RNF150: variants seen among roughly 807,000 people sequenced by gnomAD.
RNF150 encodes ring finger protein 150.
RNF150 carries 24 observed loss-of-function variants against 39.3 expected under a neutral mutation model. The ratio of observed to expected loss-of-function variants is 0.61; its 90% CI spans 0.44 to 0.86. The LOEUF is 0.86. Ranked by LOEUF, RNF150 falls within the 40% of genes least tolerant of loss-of-function variation. The pLI is 0.00. For synonymous variants in RNF150, 255 were observed against 227.3 expected (o/e 1.12, Z -1.10); for missense variants, 502 against 587.8 (o/e 0.85, Z 1.51).
At chr4:141,029,923 G>A (rs752563774) in intron 1 of RNF150, among the ~76,000 whole-genome samples, 98 of 152,158 alleles carry the variant, frequency 6.4e-4, no homozygotes, top group Non-Finnish European at 9.0e-4. Flanking sequence ...CTGGCCAGGC[G>A]TGGTGGCTCA....
intron 1 of RNF150, among the ~76,000 whole-genome samples, chr4:141,057,757 T>C (rs1033505629): frequency 1.3e-5 from 2 of 152,134 alleles, no homozygotes; most frequent in Admixed American, 6.6e-5. Context: ...TCTTCTTTAC[T>C]TCACACATAG....
rs1268843691 is a variant in RNF150 at position 140,910,122 on chromosome 4, GA to G, written c.1198+1021del. On this transcript the variant is annotated intron_variant, in intron 6 of 6. Transcript: ENST00000515673. ...TTTCAACAATGAAGTTTTTTCATCA[GA>G]AAAATACATATCTTTACATTTTAGC... Among the ~76,000 whole-genome samples the G allele has an allele frequency of 3.9e-5, 6 of 151,904 alleles. No individual in the cohort carries two copies. In the East Asian group the frequency reaches 1.2e-3, roughly 29 times the overall value.
intron 1 of RNF150, among the ~76,000 whole-genome samples, chr4:141,122,027 T>A (rs1432912774): frequency 6.6e-6 from 1 of 152,136 alleles, no homozygotes; most frequent in Admixed American, 6.6e-5. Context: ...GATCCCAATA[T>A]GCAGTCAGGG....
chr4:141,132,230 G>T lies in RNF150; in HGVS notation c.484+95C>A. ...CCAGACACGTCTTCCGCGCCGCACG[G>T]ACTTCCCAGAAGGAGCCTGGAGGCA... On this transcript the variant is annotated intron_variant, in intron 1 of 6. Transcript: ENST00000515673. This position sits in a 1 kb window ranked among gnomAD's most constrained non-coding sequence, Gnocchi z 4.9. 2 of 1,317,790 alleles carry T rather than the reference G, an allele frequency of 1.5e-6. No homozygotes were observed. Among genetic ancestry groups the T allele is most frequent in the Non-Finnish European group, 2.1e-6 (2 of 957,842 alleles). 81.6% of individuals were successfully genotyped at this position (1,317,790 alleles called of 1,614,324 possible).
intron 2 of RNF150, among the ~76,000 whole-genome samples, chr4:140,957,842 A>T (rs1397550568): frequency 2.0e-5 from 3 of 148,496 alleles, no homozygotes; most frequent in East Asian, 2.1e-4. Flanking sequence ...TAGGTGGGAA[A>T]TGAACAATGA....
At chr4:140,990,222 T>C (rs946543353) in intron 1 of RNF150, among the ~76,000 whole-genome samples, 2 of 152,232 alleles carry the variant, frequency 1.3e-5, no homozygotes, top group African/African-American at 4.8e-5. Context: ...GTGCAGAGTA[T>C]TCATTGTCTG....
At chr4:141,078,860 C>CATAT (rs1271855699) in intron 1 of RNF150, among the ~76,000 whole-genome samples, 332 of 136,668 alleles carry the variant, frequency 2.4e-3, no homozygotes, top group Non-Finnish European at 3.9e-3. Flanking sequence ...TACATACATA[C>CATAT]ATATATATAT....
intron 1 of RNF150, among the ~76,000 whole-genome samples, chr4:141,155,012 T>C (rs1320889674): frequency 6.6e-6 from 1 of 152,208 alleles, no homozygotes; most frequent in Non-Finnish European, 1.5e-5. Context: ...TAGCTCCTTC[T>C]TCATAAACAA....
At position 141,186,467 on chromosome 4, in the gene RNF150, C is replaced by T. The variant is rs537519658; in HGVS notation, c.-6+26327G>A. On this transcript the variant is annotated intron_variant, in intron 1 of 7. Transcript: ENST00000420921. ...AGGCTGGAGTGCAGTGGCACGATCTCGGCTCACTGCAAGCTCCGCCTCCCG... is the reference window on the plus strand; with the variant it reads ...AGGCTGGAGTGCAGTGGCACGATCTTGGCTCACTGCAAGCTCCGCCTCCCG... Among the ~76,000 whole-genome samples the T allele has an allele frequency of 5.9e-5, 9 of 152,216 alleles. No homozygotes were observed. The South Asian group carries it at 8.3e-4, about 14-fold the overall frequency.
At chr4:141,116,801 T>A (rs1276906981) in intron 1 of RNF150, among the ~76,000 whole-genome samples, 1 of 152,202 alleles carries the variant, frequency 6.6e-6, no homozygotes, top group Non-Finnish European at 1.5e-5. Flanking sequence ...CATGAAATAG[T>A]ATGCAGCCAT....
At position 141,186,272 on chromosome 4, in the gene RNF150, G is replaced by A. The variant is rs867061889; in HGVS notation, c.-6+26522C>T. Among the ~76,000 whole-genome samples, 11 of 152,262 alleles carry A rather than the reference G, an allele frequency of 7.2e-5. No homozygotes were observed. The South Asian group carries it at 2.3e-3, about 32-fold the overall frequency. On this transcript the variant is annotated intron_variant, in intron 1 of 7. Coordinates refer to the RNF150 transcript ENST00000420921. Reference sequence around the variant, plus strand: ...GGTTAATCTTGAGAAGGTGTATGTGGCCAGGAATTTATCCATTTCTTCTAG... The same window carrying A: ...GGTTAATCTTGAGAAGGTGTATGTGACCAGGAATTTATCCATTTCTTCTAG...
intron 1 of RNF150, among the ~76,000 whole-genome samples, chr4:141,153,844 T>C (rs942157557): frequency 1.3e-5 from 2 of 152,158 alleles, no homozygotes; most frequent in African/African-American, 2.4e-5. Context: ...GATTGATCCA[T>C]AGTGAATAGA....
intron 1 of RNF150, among the ~76,000 whole-genome samples, chr4:141,026,095 C>T (rs545232326): frequency 6.6e-6 from 1 of 152,138 alleles, no homozygotes; most frequent in Non-Finnish European, 1.5e-5. Flanking sequence ...ACGTCTTGAT[C>T]TTAGACTCTC....
chr4:140,947,464 A>G (rs1017658400), intron 4 of RNF150, among the ~76,000 whole-genome samples, 190 bp downstream of exon 4: 4 of 152,176 alleles, frequency 2.6e-5, no homozygotes, highest in Non-Finnish European at 5.9e-5. Context: ...AAAATATTTC[A>G]TGATACAGTG....
At chr4:141,179,902 C>G (rs1430402403) in intron 1 of RNF150, among the ~76,000 whole-genome samples, 1 of 152,178 alleles carries the variant, frequency 6.6e-6, no homozygotes. Flanking sequence ...TTAGCGTTCT[C>G]TATCCTGGGA....
intron 1 of RNF150, among the ~76,000 whole-genome samples, chr4:141,105,357 C>A (rs1333661604): frequency 6.6e-6 from 1 of 152,178 alleles, no homozygotes; most frequent in East Asian, 1.9e-4. Flanking sequence ...TACTTTATTA[C>A]AAGTCAAATC....
At chr4:140,978,544 G>A (rs959524692) in intron 1 of RNF150, among the ~76,000 whole-genome samples, 1 of 152,112 alleles carries the variant, frequency 6.6e-6, no homozygotes, top group Non-Finnish European at 1.5e-5. Context: ...ACTGTAGGGT[G>A]AGTGATAAAT....
intron 1 of RNF150, among the ~76,000 whole-genome samples, chr4:141,103,392 A>C (rs1464074382): frequency 6.6e-6 from 1 of 152,228 alleles, no homozygotes; most frequent in African/African-American, 2.4e-5. Context: ...TAACAATAAA[A>C]GTGAAAAATA....
intron 4 of RNF150, among the ~76,000 whole-genome samples, chr4:140,933,634 T>A (rs941020164): frequency 6.6e-6 from 1 of 152,226 alleles, no homozygotes; most frequent in South Asian, 2.1e-4. Context: ...AAAATGAAGT[T>A]GGAAAATATG....
Sources: gnomAD v4.1 joint callset for allele counts (sites outside exome capture counted in the v4.1 genomes callset) on GRCh38, gnomAD v4.1.1 for gene constraint, Gnocchi (gnomAD v3.1) non-coding constraint, MANE v1.5 for transcripts, NCBI Gene and HGNC (gene_info 2026-07-23, HGNC 2026-07-21) for gene names.